Variants in COL25A1 observed in about 807,000 individuals in gnomAD.
COL25A1 encodes collagen type XXV alpha 1 chain, also known as collagen alpha-1(XXV) chain.
A neutral mutation model predicts 128.4 loss-of-function variants in COL25A1; 103 were observed. That is an observed-to-expected ratio of 0.80 (90% CI 0.68 to 0.94). COL25A1 has a LOEUF of 0.94. Ranked by LOEUF, COL25A1 falls within the 40% of genes least tolerant of loss-of-function variation. The probability of loss-of-function intolerance (pLI) is 0.00; values close to 1 mark genes in which losing one functional copy is unlikely to be tolerated. For synonymous variants in COL25A1, 279 were observed against 277.2 expected (o/e 1.01, Z -0.06); for missense variants, 745 against 840.0 (o/e 0.89, Z 1.40).
intron 3 of COL25A1, among the ~76,000 whole-genome samples, chr4:109,137,984 ATGTGTGTGTG>A (rs10700157): frequency 2.8e-5 from 4 of 142,592 alleles, no homozygotes; most frequent in East Asian, 2.1e-4. Context: ...TTATATATAT[ATGTGTGTGTG>A]TGTGTGTGTG....
chr4:109,259,287 A>T (rs1299414183), intron 3 of COL25A1, among the ~76,000 whole-genome samples: 1 of 152,242 alleles, frequency 6.6e-6, no homozygotes. Flanking sequence ...AGGTTTTTAG[A>T]TACTAAATCC....
At chr4:109,193,160 C>A (rs1219149460) in intron 3 of COL25A1, among the ~76,000 whole-genome samples, 1 of 151,882 alleles carries the variant, frequency 6.6e-6, no homozygotes, top group South Asian at 2.1e-4. Context: ...TCAAAGCAAT[C>A]GGCTACAACC....
intron 10 of COL25A1, among the ~76,000 whole-genome samples, chr4:108,939,580 G>A (rs1747832600): frequency 6.6e-6 from 1 of 151,960 alleles, no homozygotes; most frequent in Non-Finnish European, 1.5e-5. Flanking sequence ...ACATTAATGA[G>A]TATGGTAAAA....
chr4:109,014,986 G>A (rs769528906), intron 5 of COL25A1, among the ~76,000 whole-genome samples: 2 of 152,180 alleles, frequency 1.3e-5, no homozygotes, highest in East Asian at 3.8e-4. Flanking sequence ...AAGACAGTCC[G>A]GCAGCGCCGA....
chr4:109,161,113 C>T (rs890213919), intron 3 of COL25A1, among the ~76,000 whole-genome samples: 2 of 152,104 alleles, frequency 1.3e-5, no homozygotes, highest in African/African-American at 4.8e-5. Context: ...GCTGGGATTA[C>T]ACACATGGCC....
intron 6 of COL25A1, among the ~76,000 whole-genome samples, chr4:108,995,113 T>C (rs372309878): frequency 1.9e-4 from 29 of 152,264 alleles, no homozygotes; most frequent in African/African-American, 7.0e-4. Context: ...GGATGGAGAA[T>C]GAGTTTGACG....
At chr4:108,947,170 G>A (rs867143912) in intron 8 of COL25A1, among the ~76,000 whole-genome samples, 3 of 152,130 alleles carry the variant, frequency 2.0e-5, no homozygotes, top group African/African-American at 7.2e-5. Flanking sequence ...ATGGCTGGGC[G>A]CGGTGGCTCA....
At chr4:108,926,223 T>A (rs972626986) in intron 11 of COL25A1, among the ~76,000 whole-genome samples, 1 of 152,140 alleles carries the variant, frequency 6.6e-6, no homozygotes, top group African/African-American at 2.4e-5. Flanking sequence ...TTAAGGCAAG[T>A]TCTGGTTGCC....
chr4:109,081,822 G>A (rs553332889), intron 3 of COL25A1, among the ~76,000 whole-genome samples: 9 of 152,076 alleles, frequency 5.9e-5, no homozygotes, highest in Admixed American at 2.6e-4. Context: ...TCCTGCCTCA[G>A]CCTTCTGAGC....
At chr4:108,982,409 G>A (rs1366970846) in intron 6 of COL25A1, among the ~76,000 whole-genome samples, 1 of 152,124 alleles carries the variant, frequency 6.6e-6, no homozygotes, top group Non-Finnish European at 1.5e-5. Context: ...GATTAAAATA[G>A]ACTAAACGTC....
chr4:108,962,185 C>CTTTTTTTTTTTTTTTTT (rs201713906), intron 8 of COL25A1, among the ~76,000 whole-genome samples: 1 of 131,956 alleles, frequency 7.6e-6, no homozygotes, highest in Non-Finnish European at 1.7e-5. Context: ...TACCTCGATT[C>CTTTTTTTTTTTTTTTTT]TTTTTTTTTC....
chr4:108,853,062 A>G (rs1347161619), intron 24 of COL25A1, 137 bp from the exon 25 acceptor site: 8 of 673,526 alleles, frequency 1.2e-5, no homozygotes, highest in Non-Finnish European at 2.1e-5. Context: ...CAAGATACTG[A>G]GAACATATTA....
intron 3 of COL25A1, among the ~76,000 whole-genome samples, chr4:109,187,200 T>TACAC (rs36159924): frequency 2.8e-4 from 42 of 147,924 alleles, no homozygotes; most frequent in African/African-American, 7.5e-4. Flanking sequence ...TCTTGCTCTC[T>TACAC]ACACACACAC....
chr4:109,211,822 G>A (rs1200116865), intron 3 of COL25A1, among the ~76,000 whole-genome samples: 5 of 151,954 alleles, frequency 3.3e-5, no homozygotes, highest in African/African-American at 1.2e-4. Flanking sequence ...CACCTGCTAT[G>A]GTCTGTTCAG....
chr4:108,875,543 A>C (rs1295596710), intron 19 of COL25A1, among the ~76,000 whole-genome samples: 1 of 152,228 alleles, frequency 6.6e-6, no homozygotes, highest in Non-Finnish European at 1.5e-5. Flanking sequence ...AATGGCAATC[A>C]TTAAAAAGTC....
chr4:108,883,135 G>A (rs1250424074), intron 19 of COL25A1, among the ~76,000 whole-genome samples: 1 of 151,942 alleles, frequency 6.6e-6, no homozygotes, highest in Non-Finnish European at 1.5e-5. Flanking sequence ...TCCACCTCCC[G>A]GGTTCAAGAG....
In COL25A1 at chr4:108,885,959, G is replaced by A. The variant is rs535831643; in HGVS notation, c.976-1737C>T. On this transcript the variant is annotated intron_variant, in intron 18 of 37. Transcript: ENST00000399132. ...TAAAGAAAGATATTTATTTAAACAC[G>A]CATGCATACATAGACACACACCCAT... Among the ~76,000 whole-genome samples, 11 of 152,196 alleles carry A rather than the reference G, an allele frequency of 7.2e-5. No homozygotes were observed. In the South Asian group the frequency reaches 1.5e-3, roughly 20 times the overall value.
intron 3 of COL25A1, among the ~76,000 whole-genome samples, chr4:109,256,122 T>G (rs1023948033): frequency 1.1e-3 from 120 of 113,388 alleles, no homozygotes; most frequent in African/African-American, 4.3e-3. Flanking sequence ...GTGTGTGTGT[T>G]TGAGTACAAA....
intron 8 of COL25A1, among the ~76,000 whole-genome samples, chr4:108,962,185 C>CTTTTTTT (rs201713906): frequency 7.6e-6 from 1 of 131,956 alleles, no homozygotes; most frequent in Non-Finnish European, 1.7e-5. Context: ...TACCTCGATT[C>CTTTTTTT]TTTTTTTTTC....
Sources: allele counts gnomAD v4.1 joint callset (sites outside exome capture counted in the v4.1 genomes callset), GRCh38; gene constraint gnomAD v4.1.1; transcripts MANE v1.5; gene names NCBI Gene and HGNC (gene_info 2026-07-23, HGNC 2026-07-21).